The following NSD2 variants were observed in gnomAD, a reference collection of about 807,000 sequenced individuals.
NSD2 encodes the protein histone-lysine N-methyltransferase NSD2.
NSD2 carries 12 observed loss-of-function variants against 139.0 expected under a neutral mutation model. The ratio of observed to expected loss-of-function variants is 0.09; its 90% CI spans 0.06 to 0.14. NSD2 has a LOEUF of 0.14. Ranked by LOEUF, NSD2 falls within the 10% of genes least tolerant of loss-of-function variation. The pLI is 1.00. For synonymous variants in NSD2, 669 were observed against 648.7 expected, an observed-to-expected ratio of 1.03 and a Z score of -0.48; for missense variants, 1,155 against 1,745.0, an observed-to-expected ratio of 0.66 and a Z score of 6.02.
intron 12 of NSD2, 133 bp downstream of exon 12, chr4:1,953,657 T>G (rs1372339709): frequency 1.5e-5 from 18 of 1,180,760 alleles, no homozygotes; most frequent in Non-Finnish European, 2.1e-5. Context: ...TAACTGGACA[T>G]CGGCTGGGTT....
At chr4:1,961,178 C>A in intron 18 of NSD2, 27 bp downstream of exon 18, 1 of 1,567,342 alleles carries the variant, frequency 6.4e-7, no homozygotes. Flanking sequence ...CTGTGAGCTT[C>A]TGCAGTGTGC....
chr4:1,934,189 G>A (rs1427300632), intron 6 of NSD2, among the ~76,000 whole-genome samples: 1 of 151,544 alleles, frequency 6.6e-6, no homozygotes, highest in Admixed American at 6.6e-5. Flanking sequence ...GGGTTCAAGC[G>A]ATTCTTCTGC....
chr4:1,925,887 G>GACC (rs2108836238), intron 5 of NSD2, among the ~76,000 whole-genome samples: 1 of 151,314 alleles, frequency 6.6e-6, no homozygotes, highest in South Asian at 2.1e-4. Context: ...CCACAGCCTT[G>GACC]ACCTCCCTAG....
intron 12 of NSD2, among the ~76,000 whole-genome samples, 179 bp from the exon 13 acceptor site, chr4:1,954,982 T>C (rs1724653761): frequency 6.6e-6 from 1 of 152,240 alleles, no homozygotes; most frequent in South Asian, 2.1e-4. Flanking sequence ...GTATGACCAT[T>C]TTCTCAAACA....
chr4:1,936,224 C>T (rs78629684), intron 7 of NSD2, among the ~76,000 whole-genome samples: 74 of 152,284 alleles, frequency 4.9e-4, no homozygotes, highest in East Asian at 2.9e-3. Context: ...TTCTGTCTAG[C>T]GTATGGTGCC....
intron 4 of NSD2, among the ~76,000 whole-genome samples, chr4:1,917,729 G>C (rs1210233742): frequency 6.6e-6 from 1 of 151,810 alleles, no homozygotes; most frequent in Admixed American, 6.6e-5. Context: ...GAACCACCAC[G>C]CTGGCCAAGT....
intron 1 of NSD2, among the ~76,000 whole-genome samples, chr4:1,871,746 G>C (rs1577338803): frequency 6.7e-6 from 1 of 148,974 alleles, no homozygotes; most frequent in South Asian, 2.1e-4. Context: ...CGGCCTGAGA[G>C]GGTCGTGGGG....
At position 1,976,471 on chromosome 4, in the gene NSD2, C is replaced by G. The variant is rs1486016585; in HGVS notation, c.3622-4C>G. 9.3e-6 allele frequency: 15 copies of G among 1,612,518 alleles called. No homozygotes were observed. Among genetic ancestry groups the G allele is most frequent in the Non-Finnish European group, 1.3e-5 (15 of 1,179,480 alleles). ...GGTGATCTGTGCTTAATTCTTGACT[C>G]TAGACCTCGACGACCCTTTCATCAG... On this transcript the variant is annotated splice_region_variant and splice_polypyrimidine_tract_variant and intron_variant, in intron 20 of 21. Coordinates refer to ENST00000508803, the MANE Select transcript of NSD2 (RefSeq NM_001042424.3). The surrounding 1 kb of genome is among the most constrained non-coding windows in gnomAD (Gnocchi z 5.3).
chr4:1,920,385 G>T (rs1719962144), intron 5 of NSD2, among the ~76,000 whole-genome samples: 1 of 152,168 alleles, frequency 6.6e-6, no homozygotes, highest in African/African-American at 2.4e-5. Context: ...GGAGGCCACA[G>T]TGAGCTGAAA....
intron 6 of NSD2, among the ~76,000 whole-genome samples, chr4:1,932,585 A>G (rs986386405): frequency 1.1e-4 from 16 of 151,738 alleles, no homozygotes; most frequent in Non-Finnish European, 2.4e-4. Context: ...CATCTCTACT[A>G]AAAATACAAA....
intron 10 of NSD2, 101 bp from the exon 11 acceptor site, chr4:1,952,007 G>T (rs1577528258): frequency 6.6e-7 from 1 of 1,517,048 alleles, no homozygotes; most frequent in Non-Finnish European, 8.8e-7. Flanking sequence ...AGCAAAATGG[G>T]ATTTTCTGCC....
At chr4:1,884,158 T>C (rs1303148601) in intron 1 of NSD2, among the ~76,000 whole-genome samples, 3 of 147,360 alleles carry the variant, frequency 2.0e-5, no homozygotes, top group African/African-American at 7.6e-5. Flanking sequence ...TGCAGTGGCA[T>C]GATCTTGGCT....
In NSD2 at chr4:1,901,232, C is replaced by T; in HGVS notation, c.578C>T (p.Ser193Leu). 6.3e-7 allele frequency: 1 copy of T among 1,577,664 alleles called. No individual in the cohort carries two copies. The highest frequency in any genetic ancestry group is 8.6e-7 in the Non-Finnish European group (1 of 1,166,216). ...GAAGCAGCTCTTGTGTCTAAGATCTCAAGTCCTTCAGATAAAAAGGTATTT... is the reference window on the plus strand; with the variant it reads ...GAAGCAGCTCTTGTGTCTAAGATCTTAAGTCCTTCAGATAAAAAGGTATTT... ...LVEAALVSKI[S>L]SPSDKKIPAK... is the part of the protein sequence containing the mutation. The change falls in exon 2 of 22, where the codon TCA (serine) becomes TTA (leucine). Residue 193 changes from serine to leucine, a missense_variant. Physicochemically the swap from Ser to Leu is moderately radical, Grantham distance 145 (BLOSUM62 -2). Transcript: ENST00000508803.
intron 5 of NSD2, among the ~76,000 whole-genome samples, chr4:1,922,263 C>T (rs1720247037): frequency 6.6e-6 from 1 of 151,976 alleles, no homozygotes; most frequent in East Asian, 1.9e-4. Flanking sequence ...ATAGAGTTCA[C>T]CAGGATATAA....
chr4:1,883,771 C>T lies in NSD2; in HGVS notation c.-30+12229C>T, dbSNP rs576314247. Among the ~76,000 whole-genome samples the T allele has an allele frequency of 3.9e-5, 6 of 152,260 alleles. No homozygotes were observed. In the South Asian group the frequency reaches 8.3e-4, roughly 21 times the overall value. ...CTTGTCCATGGCTGCATTCCCAGAG[C>T]GAGCAGCATGTGTGGGTGCTCAGCA... On this transcript the variant is annotated intron_variant, in intron 1 of 21. Coordinates refer to ENST00000508803, the MANE Select transcript of NSD2 (RefSeq NM_001042424.3).
rs928569600 is a variant in NSD2, at chr4:1,909,956, A to T, written c.760+5578A>T. Among the ~76,000 whole-genome samples, 27 of 152,122 alleles carry T rather than the reference A, an allele frequency of 1.8e-4. 1 individual carries two copies. Among genetic ancestry groups the T allele is most frequent in the African/African-American group, 5.8e-4 (24 of 41,414 alleles). ...GCCCGGCACCCGTTAAAAAAAAAAAAAATTATTTATCATGCTTGGGATTTA... is the reference window on the plus strand; with the variant it reads ...GCCCGGCACCCGTTAAAAAAAAAAATAATTATTTATCATGCTTGGGATTTA... On this transcript the variant is annotated intron_variant, in intron 3 of 21. Coordinates refer to ENST00000508803, the MANE Select transcript of NSD2 (RefSeq NM_001042424.3).
intron 6 of NSD2, among the ~76,000 whole-genome samples, chr4:1,934,909 A>ATATAT (rs1491516751): frequency 6.0e-5 from 7 of 117,466 alleles, no homozygotes; most frequent in East Asian, 4.3e-4. Context: ...ATATATATAT[A>ATATAT]AAAAACAGAT....
In NSD2 at chr4:1,901,130, A is replaced by G. The variant is rs2108747040; in HGVS notation, c.476A>G (p.Gln159Arg). 1 of 1,614,252 alleles carries G rather than the reference A, an allele frequency of 6.2e-7. No homozygotes were observed. Among genetic ancestry groups the G allele is most frequent in the Non-Finnish European group, 8.5e-7 (1 of 1,180,038 alleles). Residue 159 changes from glutamine (Q) to arginine (R), a missense_variant, in exon 2 of 22, where the codon CAA becomes CGA. Physicochemically the swap from Gln to Arg is conservative, Grantham distance 43. This residue lies in a region of NSD2 where 246 missense variants were observed against 262.8 expected (regional missense o/e 0.94). Coordinates refer to ENST00000508803, the MANE Select transcript of NSD2 (RefSeq NM_001042424.3). Reference protein sequence around the residue: ...ADVSQSEENGQKPENKARRNR... With the variant: ...ADVSQSEENGRKPENKARRNR... ...GTGTCTCAGTCAGAAGAAAATGGACAAAAACCAGAAAACAAGGCGAGAAGG... is the reference window on the plus strand; with the variant it reads ...GTGTCTCAGTCAGAAGAAAATGGACGAAAACCAGAAAACAAGGCGAGAAGG...
Position 1,934,905 on chromosome 4 carries a change from AT to A in NSD2, c.1556-238del, listed in dbSNP as rs1300679507. Among the ~76,000 whole-genome samples the A allele has an allele frequency of 1.4e-4, 18 of 131,598 alleles. No individual in the cohort carries two copies. In the East Asian group the frequency reaches 1.4e-3, roughly 11 times the overall value. The allele number at this position is 131,598 out of a possible 152,430, so 86.3% of individuals were successfully genotyped here. A position where few individuals can be genotyped will look rare whatever the true frequency, so the allele number is the denominator to read the frequency against. ...TATATATATATATATATATATATAT[AT>A]ATAAAAAACAGATAAAACAGATGCT... On this transcript the variant is annotated intron_variant, in intron 6 of 21. Transcript: ENST00000508803.
Sources: gnomAD v4.1 joint callset for allele counts (sites outside exome capture counted in the v4.1 genomes callset) on GRCh38, gnomAD v4.1.1 for gene constraint, gnomAD v4.1.1 regional missense constraint, Gnocchi (gnomAD v3.1) non-coding constraint, MANE v1.5 for transcripts, NCBI Gene and HGNC (gene_info 2026-07-23, HGNC 2026-07-21) for gene names.